SYNE1: variants seen among roughly 807,000 people sequenced by gnomAD.
SYNE1 encodes nesprin-1.
In SYNE1, 616 loss-of-function variants were observed where a neutral mutation model predicts 1,111.0. The ratio of observed to expected loss-of-function variants is 0.55; its 90% CI spans 0.52 to 0.59. SYNE1 has a LOEUF of 0.59. SYNE1 is among the 20% of genes least tolerant of loss of function. The probability of loss-of-function intolerance (pLI) is 0.00; values close to 1 mark genes in which losing one functional copy is unlikely to be tolerated. For synonymous variants in SYNE1, 3,855 were observed against 3,825.8 expected, an observed-to-expected ratio of 1.01 and a Z score of -0.28; for missense variants, 10,006 against 10,417.0, an observed-to-expected ratio of 0.96 and a Z score of 1.72.
At position 152,387,093 on chromosome 6, in the gene SYNE1, A is replaced by G. The variant is rs752289867; in HGVS notation, c.8466T>C (p.Asn2822=). Residue 2822 remains asparagine, a synonymous_variant, in exon 54 of 146, where the codon AAT becomes AAC. Transcript: ENST00000367255. ...TAACCTTGGCAACAGTCATTATATCATTAAACTGTGTTTTCAGCTCCTCTT... is the reference window on the plus strand; with the variant it reads ...TAACCTTGGCAACAGTCATTATATCGTTAAACTGTGTTTTCAGCTCCTCTT... The part of the protein sequence containing the change: ...TAQEELKTQF[N]DIMTVAKEKM... 1.9e-6 allele frequency: 3 copies of G among 1,613,914 alleles called. No individual in the cohort carries two copies. Among genetic ancestry groups the G allele is most frequent in the Non-Finnish European group, 2.5e-6 (3 of 1,179,936 alleles).
intron 74 of SYNE1, among the ~76,000 whole-genome samples, chr6:152,340,472 C>T (rs1267105041): frequency 6.6e-6 from 1 of 152,182 alleles, no homozygotes; most frequent in Non-Finnish European, 1.5e-5. Context: ...ACGTCAGCAG[C>T]ATCCTTCGCG....
At chr6:152,239,767 A>G in intron 107 of SYNE1, 61 bp from the exon 108 acceptor site, 2 of 1,603,498 alleles carry the variant, frequency 1.2e-6, no homozygotes, top group South Asian at 1.1e-5. Flanking sequence ...TAGAATCAAA[A>G]TTGGTTTAGG....
intron 85 of SYNE1, 39 bp from the exon 86 acceptor site, chr6:152,318,302 A>G: frequency 6.2e-7 from 1 of 1,611,576 alleles, no homozygotes; most frequent in Non-Finnish European, 8.5e-7. Context: ...TAGAGTACAG[A>G]AAATAAATTT....
rs779111478 is a variant in SYNE1, at chr6:152,387,372, C to T, written c.8187G>A (p.Glu2729=). Residue 2729 remains glutamate (E), a synonymous_variant, in exon 54 of 146, where the codon GAG becomes GAA. Transcript: ENST00000367255. ...AGTCATTCCATTGGCTAATCACAGA[C>T]TCTAAAGTGCTAGAATTAATGTCAC... ...SSSVHAQSTL[E]SVISQWNDYV... 2 of 1,614,078 alleles carry T rather than the reference C, an allele frequency of 1.2e-6. No individual in the cohort carries two copies. Among genetic ancestry groups the T allele is most frequent in the South Asian group, 2.2e-5 (2 of 91,086 alleles).
At chr6:152,337,071 T>C in intron 75 of SYNE1, 54 bp from the exon 76 acceptor site, 1 of 1,566,658 alleles carries the variant, frequency 6.4e-7, no homozygotes, top group South Asian at 1.1e-5. Context: ...ACATTTATGG[T>C]TAATGAATCA....
intron 3 of SYNE1, among the ~76,000 whole-genome samples, chr6:152,591,819 A>G (rs543313354): frequency 6.6e-6 from 1 of 151,968 alleles, no homozygotes; most frequent in Admixed American, 6.5e-5. Flanking sequence ...GCAAAAAAAT[A>G]AAATAAAATA....
chr6:152,411,168 T>C (rs1239069330), intron 42 of SYNE1, among the ~76,000 whole-genome samples: 1 of 152,202 alleles, frequency 6.6e-6, no homozygotes, highest in Non-Finnish European at 1.5e-5. Flanking sequence ...TTATTGAAAA[T>C]ATTATTCTTT....
intron 131 of SYNE1, among the ~76,000 whole-genome samples, chr6:152,162,886 G>GA (rs1166835769): frequency 6.6e-6 from 1 of 151,532 alleles, no homozygotes; most frequent in Non-Finnish European, 1.5e-5. Flanking sequence ...TCATTAGAAA[G>GA]AAAAAAATTT....
chr6:152,632,028 C>T (rs1055615566), intron 2 of SYNE1, among the ~76,000 whole-genome samples: 12 of 152,268 alleles, frequency 7.9e-5, no homozygotes, highest in Admixed American at 5.2e-4. Flanking sequence ...CCAACACTCA[C>T]CATTATTTTC....
chr6:152,576,990 C>A (rs1214040738), intron 3 of SYNE1, among the ~76,000 whole-genome samples: 1 of 152,082 alleles, frequency 6.6e-6, no homozygotes, highest in Non-Finnish European at 1.5e-5. Flanking sequence ...TATAAAATGC[C>A]AGCTTTTATT....
intron 82 of SYNE1, among the ~76,000 whole-genome samples, chr6:152,323,176 C>A (rs1375167298): frequency 2.0e-5 from 3 of 152,278 alleles, no homozygotes; most frequent in Non-Finnish European, 4.4e-5. Flanking sequence ...AGGGGCCGGG[C>A]GCGGTGGCTC....
At chr6:152,352,408 CTT>C (rs11370219) in intron 69 of SYNE1, 55 bp from the exon 70 acceptor site, 126 of 1,302,040 alleles carry the variant, frequency 9.7e-5, no homozygotes, top group Middle Eastern at 2.2e-4. Context: ...TCTTTTCTTT[CTT>C]TTTTTTTTTT....
intron 111 of SYNE1, among the ~76,000 whole-genome samples, 161 bp downstream of exon 111, chr6:152,234,507 C>G (rs1157857743): frequency 6.6e-6 from 1 of 152,098 alleles, no homozygotes; most frequent in Non-Finnish European, 1.5e-5. Flanking sequence ...GTTGGTCAGG[C>G]TGGTCCCGAA....
chr6:152,549,873 C>A (rs2099331164), intron 3 of SYNE1, among the ~76,000 whole-genome samples: 1 of 151,988 alleles, frequency 6.6e-6, no homozygotes, highest in Non-Finnish European at 1.5e-5. Flanking sequence ...ATTGAAAGAG[C>A]CCAATTTCAT....
rs974273237 is a variant in SYNE1, at chr6:152,449,627, G to A, written c.3410C>T (p.Ser1137Leu). 3 of 1,612,636 alleles carry A rather than the reference G, an allele frequency of 1.9e-6. No homozygotes were observed. Among genetic ancestry groups the A allele is most frequent in the Non-Finnish European group, 2.5e-6 (3 of 1,178,720 alleles). The stretch of plus-strand genomic sequence containing the variant: ...TGTCTCATTTGTAGATATCCAAGAT[G>A]AGAACTCAGAGAATCTGAAATAACA... ...KDYTSRFSEFSSWISTNETQL... is the reference protein window; with the variant it reads ...KDYTSRFSEFLSWISTNETQL... Residue 1137 changes from serine (S) to leucine (L), a missense_variant, in exon 28 of 146, where the codon TCA becomes TTA. Ser to Leu is a moderately radical substitution (Grantham distance 145, BLOSUM62 -2). Transcript: ENST00000367255.
intron 6 of SYNE1, among the ~76,000 whole-genome samples, chr6:152,513,880 C>T (rs1167109253): frequency 6.6e-6 from 1 of 152,152 alleles, no homozygotes; most frequent in East Asian, 1.9e-4. Context: ...TGAAAAAAAG[C>T]TCATCATCAC....
intron 61 of SYNE1, 27 bp downstream of exon 61, chr6:152,368,943 ACT>A (rs1335219610): frequency 6.2e-7 from 1 of 1,613,962 alleles, no homozygotes; most frequent in South Asian, 1.1e-5. Flanking sequence ...TCAGTATCAC[ACT>A]CACACACAGC....
intron 3 of SYNE1, among the ~76,000 whole-genome samples, chr6:152,608,887 C>T (rs759642998): frequency 1.3e-5 from 2 of 152,040 alleles, no homozygotes; most frequent in African/African-American, 4.8e-5. Flanking sequence ...GAGCCAAGAT[C>T]GCGCCACTGC....
At chr6:152,208,343 T>C (rs1055665171) in intron 124 of SYNE1, 137 bp from the exon 125 acceptor site, 14 of 775,074 alleles carry the variant, frequency 1.8e-5, no homozygotes, top group African/African-American at 3.4e-5. Flanking sequence ...TATCATGCCA[T>C]GATCTCTTAC....
Sources: gnomAD v4.1 joint callset for allele counts (sites outside exome capture counted in the v4.1 genomes callset) on GRCh38, gnomAD v4.1.1 for gene constraint, MANE v1.5 for transcripts, NCBI Gene and HGNC (gene_info 2026-07-23, HGNC 2026-07-21) for gene names.